The following LINGO2 variants were observed in gnomAD, a reference collection of about 807,000 sequenced individuals.
LINGO2 encodes leucine rich repeat and Ig domain containing 2.
In LINGO2, 14 loss-of-function variants were observed where a neutral mutation model predicts 30.6. The observed-to-expected ratio is 0.46, with a 90% CI of 0.30 to 0.72. The LOEUF (loss-of-function observed/expected upper bound fraction) is 0.72, where lower values mean the gene tolerates loss of function less well. Ranked by LOEUF, LINGO2 falls within the 30% of genes least tolerant of loss-of-function variation. The probability of loss-of-function intolerance (pLI) is 0.07; values close to 1 mark genes in which losing one functional copy is unlikely to be tolerated. For missense variants in LINGO2, 729 were observed against 751.7 expected (o/e 0.97, Z 0.35); for synonymous variants, 317 against 288.5 (o/e 1.10, Z -1.00).
chr9:28,731,485 A>G, the LINGO2 span, among the ~76,000 whole-genome samples: 1 of 152,180 alleles, frequency 6.6e-6, no homozygotes, highest in Non-Finnish European at 1.5e-5. Context: ...TACTTTCGAA[A>G]TAATAACATT....
intron 3 of LINGO2, among the ~76,000 whole-genome samples, chr9:28,347,545 T>C (rs997783509): frequency 6.6e-6 from 1 of 152,144 alleles, no homozygotes; most frequent in African/African-American, 2.4e-5. Flanking sequence ...TTAGTGACAG[T>C]CTCCTCTGTG....
At chr9:28,927,691 T>C in the LINGO2 span, among the ~76,000 whole-genome samples, 1 of 152,252 alleles carries the variant, frequency 6.6e-6, no homozygotes, top group East Asian at 1.9e-4. Context: ...TTATCTCATC[T>C]ATTGAATATT....
intron 4 of LINGO2, among the ~76,000 whole-genome samples, chr9:28,020,160 C>G (rs764063336): frequency 3.3e-5 from 5 of 152,178 alleles, no homozygotes; most frequent in Non-Finnish European, 7.4e-5. Flanking sequence ...CATGCAATCC[C>G]TCTCTAAGTG....
chr9:28,991,739 C>A, the LINGO2 span, among the ~76,000 whole-genome samples: 1 of 150,240 alleles, frequency 6.7e-6, no homozygotes, highest in African/African-American at 2.5e-5. Context: ...GAATTTTCAA[C>A]CCAGAATTTC....
intron 3 of LINGO2, among the ~76,000 whole-genome samples, chr9:28,362,053 C>T (rs762097548): frequency 1.3e-5 from 2 of 152,184 alleles, no homozygotes; most frequent in Non-Finnish European, 2.9e-5. Flanking sequence ...ATAATACTTG[C>T]TAAAACATAC....
At chr9:28,386,617 C>T (rs1011997734) in intron 2 of LINGO2, among the ~76,000 whole-genome samples, 3 of 152,090 alleles carry the variant, frequency 2.0e-5, no homozygotes, top group Non-Finnish European at 2.9e-5. Flanking sequence ...TTAAAACAAT[C>T]ATAGTTGCTT....
At chr9:28,088,071 G>A (rs1336838200) in intron 4 of LINGO2, among the ~76,000 whole-genome samples, 1 of 151,990 alleles carries the variant, frequency 6.6e-6, no homozygotes, top group Non-Finnish European at 1.5e-5. Context: ...TCGTGGCTCT[G>A]CCATTAACTA....
At chr9:28,053,818 T>C (rs1386343105) in intron 4 of LINGO2, among the ~76,000 whole-genome samples, 3 of 152,084 alleles carry the variant, frequency 2.0e-5, no homozygotes, top group Non-Finnish European at 4.4e-5. Flanking sequence ...AATGATTACG[T>C]GTTTTCAGCT....
chr9:28,338,078 A>C (rs1825647206), intron 3 of LINGO2, among the ~76,000 whole-genome samples: 1 of 152,170 alleles, frequency 6.6e-6, no homozygotes, highest in Non-Finnish European at 1.5e-5. Flanking sequence ...CTATGAAAGA[A>C]CCGAGAAGGG....
chr9:28,744,104 A>G, the LINGO2 span, among the ~76,000 whole-genome samples: 1 of 132,376 alleles, frequency 7.6e-6, no homozygotes, highest in Admixed American at 8.7e-5. Flanking sequence ...ATATATATAT[A>G]TATATTTTTT....
At chr9:27,949,891 G>C in exon 6 of LINGO2, 3 of 1,614,084 alleles carry the variant, frequency 1.9e-6, no homozygotes, top group Non-Finnish European at 2.5e-6. Flanking sequence ...ACAGTAGACA[G>C]ATTGGTGTTG....
chr9:28,529,229 C>T (rs904334588), intron 1 of LINGO2, among the ~76,000 whole-genome samples: 1 of 152,028 alleles, frequency 6.6e-6, no homozygotes, highest in South Asian at 2.1e-4. Context: ...AATGCAAGCC[C>T]ATTTTGATTG....
At position 28,444,497 on chromosome 9, in the gene LINGO2, C is replaced by T. The variant is rs138237039; in HGVS notation, c.-279+31443G>A. Among the ~76,000 whole-genome samples the T allele has an allele frequency of 2.5e-3, 374 of 152,316 alleles. 1 individual carries two copies. The highest frequency in any genetic ancestry group is 8.6e-3 in the African/African-American group (357 of 41,570). Reference sequence around the variant, plus strand: ...CATGCCCCCATCAACCCATTCACCACGCTGCAGGTGACATGAAAGAGAGAA... The same window carrying T: ...CATGCCCCCATCAACCCATTCACCATGCTGCAGGTGACATGAAAGAGAGAA... On this transcript the variant is annotated intron_variant, in intron 2 of 5. Coordinates refer to ENST00000379992, the Ensembl canonical transcript of LINGO2.
At chr9:28,953,816 A>G in the LINGO2 span, among the ~76,000 whole-genome samples, 2 of 152,156 alleles carry the variant, frequency 1.3e-5, no homozygotes, top group Admixed American at 6.5e-5. Flanking sequence ...TATAAAATCT[A>G]AAACCAAATC....
intron 4 of LINGO2, among the ~76,000 whole-genome samples, chr9:28,069,434 G>A (rs531784641): frequency 6.6e-6 from 1 of 152,226 alleles, no homozygotes; most frequent in Non-Finnish European, 1.5e-5. Flanking sequence ...AGAGCAGGTT[G>A]TCTAATGTTC....
chr9:28,872,742 C>T, the LINGO2 span, among the ~76,000 whole-genome samples: 1 of 152,118 alleles, frequency 6.6e-6, no homozygotes, highest in African/African-American at 2.4e-5. Context: ...ATAGCTAACA[C>T]TATGTAGCTT....
At chr9:28,727,459 T>C in the LINGO2 span, among the ~76,000 whole-genome samples, 2 of 152,152 alleles carry the variant, frequency 1.3e-5, no homozygotes, top group Non-Finnish European at 2.9e-5. Context: ...CTAATTTTTT[T>C]GTATTTTTTT....
At chr9:28,718,961 A>T in the LINGO2 span, among the ~76,000 whole-genome samples, 3 of 152,012 alleles carry the variant, frequency 2.0e-5, no homozygotes, top group African/African-American at 7.2e-5. Context: ...AGCTGTTACA[A>T]GCCATCATCA....
At chr9:28,684,654 G>C in the LINGO2 span, among the ~76,000 whole-genome samples, 2 of 151,656 alleles carry the variant, frequency 1.3e-5, no homozygotes, top group South Asian at 4.2e-4. Flanking sequence ...AAGTAGCTGG[G>C]ACCACAAGCA....
Sources: allele counts gnomAD v4.1 joint callset (sites outside exome capture counted in the v4.1 genomes callset), GRCh38; gene constraint gnomAD v4.1.1; transcripts MANE v1.5; gene names NCBI Gene and HGNC (gene_info 2026-07-23, HGNC 2026-07-21).